Variants in CDV3 observed in about 807,000 individuals in gnomAD.
The protein encoded by CDV3 is protein CDV3 homolog.
A neutral mutation model predicts 24.5 loss-of-function variants in CDV3; 14 were observed. That is an observed-to-expected ratio of 0.57 (90% confidence interval 0.38 to 0.89). The LOEUF is 0.89. Ranked by LOEUF, CDV3 falls within the 40% of genes least tolerant of loss-of-function variation. CDV3 has a pLI of 0.00. For synonymous variants in CDV3, 114 were observed against 114.1 expected, an observed-to-expected ratio of 1.00 and a Z score of 0.00; for missense variants, 304 against 310.2, an observed-to-expected ratio of 0.98 and a Z score of 0.15.
At position 133,588,644 on chromosome 3, in the gene CDV3, CA is replaced by C; in HGVS notation, c.*599del. On this transcript the variant is annotated 3_prime_UTR_variant, in exon 5 of 5. Transcript: ENST00000264993. ...TTGTTATATTAGACTTCCTGGAACA[CA>C]CTGCTGAAAAGAACTGATGTGTTCA... 1.9e-6 allele frequency: 1 copy of C among 533,366 alleles called. No individual in the cohort carries two copies. The highest frequency in any genetic ancestry group is 3.4e-6 in the Non-Finnish European group (1 of 298,228). The allele number at this position is 533,366 out of a possible 1,614,324, so 33.0% of individuals were successfully genotyped here.
chr3:133,573,986 A>G lies in CDV3; in HGVS notation c.-59A>G, dbSNP rs888208069. 2.0e-6 allele frequency: 2 copies of G among 1,011,166 alleles called. No homozygotes were observed. Among genetic ancestry groups the G allele is most frequent in the African/African-American group, 1.8e-5 (1 of 57,118 alleles). 62.6% of individuals were successfully genotyped at this position (1,011,166 alleles called of 1,614,324 possible). On this transcript the variant is annotated 5_prime_UTR_variant, in exon 1 of 5. Coordinates refer to ENST00000264993, the MANE Select transcript of CDV3 (RefSeq NM_017548.5). ...GAGCCGGCCTCGACCCCGAGCTCGG[A>G]GCCCCGCGGGCCGCGCCCGCCGCCG...
At chr3:133,574,387 C>A (rs1461728945) in intron 1 of CDV3, 103 bp downstream of exon 1, 3 of 942,420 alleles carry the variant, frequency 3.2e-6, no homozygotes, top group Non-Finnish European at 3.8e-6. Flanking sequence ...GCCGCGGAGG[C>A]CGGGCGGACG....
chr3:133,575,244 A>G (rs778537113), intron 2 of CDV3, 129 bp downstream of exon 2: 20 of 587,944 alleles, frequency 3.4e-5, no homozygotes, highest in Non-Finnish European at 5.3e-5. Context: ...TAGGACTCAA[A>G]TGGGTTCTGT....
rs1434736104 is a variant in CDV3 at position 133,573,971 on chromosome 3, C to G, written c.-74C>G. On this transcript the variant is annotated 5_prime_UTR_variant, in exon 1 of 5. Coordinates refer to ENST00000264993, the MANE Select transcript of CDV3 (RefSeq NM_017548.5). ...GGCAGCGTGAGCGCAGAGCCGGCCT[C>G]GACCCCGAGCTCGGAGCCCCGCGGG... 3 of 1,001,564 alleles carry G rather than the reference C, an allele frequency of 3.0e-6. No homozygotes were observed. The highest frequency in any genetic ancestry group is 3.6e-6 in the Non-Finnish European group (3 of 841,428). 62.0% of individuals were successfully genotyped at this position (1,001,564 alleles called of 1,614,324 possible).
At chr3:133,583,886 T>C (rs1933317864) in intron 2 of CDV3, 116 bp from the exon 3 acceptor site, 1 of 709,336 alleles carries the variant, frequency 1.4e-6, no homozygotes, top group African/African-American at 1.8e-5. Context: ...AGACGTTCAG[T>C]CTCGAAAGAG....
chr3:133,574,813 A>C (rs2074741252), intron 1 of CDV3: 3 of 857,492 alleles, frequency 3.5e-6, no homozygotes, highest in Non-Finnish European at 4.7e-6. Context: ...TGCTTAAAGT[A>C]ACAGCTCCCA....
rs542023094 is a variant in CDV3, at chr3:133,574,913, T to G, written c.241-126T>G. The G allele has an allele frequency of 2.4e-5, 18 of 746,006 alleles. No individual in the cohort carries two copies. The East Asian group carries it at 4.7e-4, about 20-fold the overall frequency. The allele number at this position is 746,006 out of a possible 1,614,324, so 46.2% of individuals were successfully genotyped here. On this transcript the variant is annotated intron_variant, in intron 1 of 4. Coordinates refer to ENST00000264993, the MANE Select transcript of CDV3 (RefSeq NM_017548.5). Reference sequence around the variant, plus strand: ...TTGCCCCAGAACGAAGCAAGGGCTTTGACCAGAAGACAAGTACATACTTAG... The same window carrying G: ...TTGCCCCAGAACGAAGCAAGGGCTTGGACCAGAAGACAAGTACATACTTAG...
Position 133,588,730 on chromosome 3 carries a change from AAAAT to A in CDV3, c.*689_*692del. The A allele has an allele frequency of 4.6e-6, 1 of 218,336 alleles. No individual in the cohort carries two copies. Among genetic ancestry groups the A allele is most frequent in the Non-Finnish European group, 8.9e-6 (1 of 112,472 alleles). 13.5% of individuals were successfully genotyped at this position (218,336 alleles called of 1,614,324 possible). On this transcript the variant is annotated 3_prime_UTR_variant, in exon 5 of 5. Coordinates refer to ENST00000264993, the MANE Select transcript of CDV3 (RefSeq NM_017548.5). ...ACTAATTGTATTCTGAGGTAACCAC[AAAAT>A]AAATTCAACCAAACTGGGGTCCACC...
chr3:133,587,675 T>C (rs190687294), intron 4 of CDV3: 6 of 1,298,230 alleles, frequency 4.6e-6, no homozygotes, highest in African/African-American at 3.0e-5. Context: ...GTTAATACTG[T>C]TCAGTAGAAG....
intron 2 of CDV3, among the ~76,000 whole-genome samples, chr3:133,578,763 A>C (rs1309042891): frequency 6.6e-6 from 1 of 152,202 alleles, no homozygotes; most frequent in Non-Finnish European, 1.5e-5. Flanking sequence ...GATGCCCGGT[A>C]TTCCAGCAGC....
At chr3:133,575,169 CAA>C in intron 2 of CDV3, 54 bp downstream of exon 2, 1 of 965,316 alleles carries the variant, frequency 1.0e-6, no homozygotes, top group Non-Finnish European at 1.7e-6. Context: ...ATATTGGATA[CAA>C]GTTAGGTTTT....
intron 1 of CDV3, 194 bp downstream of exon 1, chr3:133,574,478 G>T: frequency 1.0e-6 from 1 of 986,482 alleles, no homozygotes; most frequent in South Asian, 4.7e-5. Flanking sequence ...TATCCGCGGT[G>T]GAGCCGCCCT....
intron 2 of CDV3, among the ~76,000 whole-genome samples, chr3:133,580,841 A>C (rs370940375): frequency 6.6e-6 from 1 of 152,240 alleles, no homozygotes; most frequent in African/African-American, 2.4e-5. Flanking sequence ...CACCTGGCCA[A>C]GAATCCAAAA....
chr3:133,575,643 C>G (rs2074777719), intron 2 of CDV3, among the ~76,000 whole-genome samples: 1 of 152,236 alleles, frequency 6.6e-6, no homozygotes, highest in Non-Finnish European at 1.5e-5. Flanking sequence ...CACATACTCA[C>G]TGCATTCACC....
intron 2 of CDV3, among the ~76,000 whole-genome samples, chr3:133,577,620 A>G (rs1437821813): frequency 1.3e-5 from 2 of 152,160 alleles, no homozygotes; most frequent in Admixed American, 6.5e-5. Flanking sequence ...TCGGCCTTCC[A>G]AAGTGCTGGG....
At chr3:133,587,202 A>AT in intron 4 of CDV3, 1 of 1,357,354 alleles carries the variant, frequency 7.4e-7, no homozygotes, top group Non-Finnish European at 9.7e-7. Flanking sequence ...ATGACTACAT[A>AT]TGGCACATCT....
At chr3:133,587,674 G>A (rs6776497) in intron 4 of CDV3, 1,042,233 of 1,287,708 alleles carry the variant, frequency 0.81, 422,996 homozygotes, top group East Asian at 0.95. Flanking sequence ...AGTTAATACT[G>A]TTCAGTAGAA....
At chr3:133,574,428 C>T in intron 1 of CDV3, 144 bp downstream of exon 1, 1 of 983,134 alleles carries the variant, frequency 1.0e-6, no homozygotes, top group Non-Finnish European at 1.2e-6. Context: ...GCAGGCTCTC[C>T]ACCTCGGGCT....
intron 2 of CDV3, among the ~76,000 whole-genome samples, chr3:133,578,162 C>CT (rs1296345694): frequency 4.6e-5 from 7 of 151,678 alleles, no homozygotes; most frequent in South Asian, 2.1e-4. Flanking sequence ...ACTAATCTTA[C>CT]TTTTTTTTTC....
Sources: gnomAD v4.1 joint callset for allele counts (sites outside exome capture counted in the v4.1 genomes callset) on GRCh38, gnomAD v4.1.1 for gene constraint, MANE v1.5 for transcripts, NCBI Gene and HGNC (gene_info 2026-07-23, HGNC 2026-07-21) for gene names.